The following LCORL variants were observed in gnomAD, a reference collection of about 807,000 sequenced individuals.
LCORL encodes ligand dependent nuclear receptor corepressor like, also known as ligand-dependent nuclear receptor corepressor-like protein.
LCORL carries 41 observed loss-of-function variants against 141.8 expected under a neutral mutation model. The ratio of observed to expected loss-of-function variants is 0.29; its 90% CI spans 0.23 to 0.38. The LOEUF (loss-of-function observed/expected upper bound fraction) is 0.38, where lower values mean the gene tolerates loss of function less well. Among genes scored for constraint, LCORL ranks in the 10% least tolerant of loss-of-function variants. The pLI is 1.00. For missense variants in LCORL, 1,759 were observed against 2,035.0 expected (o/e 0.86, Z 2.61); for synonymous variants, 618 against 694.1 (o/e 0.89, Z 1.72).
At chr4:17,904,380 T>A (rs747360890) in intron 5 of LCORL, among the ~76,000 whole-genome samples, 3 of 152,132 alleles carry the variant, frequency 2.0e-5, no homozygotes, top group Non-Finnish European at 4.4e-5. Flanking sequence ...GACATTTCAC[T>A]TTCTTCAGTG....
intron 7 of LCORL, among the ~76,000 whole-genome samples, chr4:17,871,858 G>A (rs894628901): frequency 3.3e-5 from 5 of 151,616 alleles, no homozygotes; most frequent in Non-Finnish European, 5.9e-5. Context: ...AATCTACTTT[G>A]GCCAACCTTT....
intron 6 of LCORL, chr4:17,883,961 C>T: frequency 1.3e-6 from 2 of 1,550,680 alleles, no homozygotes; most frequent in Non-Finnish European, 1.7e-6. Context: ...ATCATATTGC[C>T]GATAGCGGCC....
chr4:17,971,467 A>G (rs1715926626), intron 2 of LCORL, among the ~76,000 whole-genome samples: 1 of 151,742 alleles, frequency 6.6e-6, no homozygotes, highest in Non-Finnish European at 1.5e-5. Context: ...AAAAAAAAAC[A>G]CTAGAAACAG....
chr4:17,893,738 A>C (rs1729464456), intron 5 of LCORL, among the ~76,000 whole-genome samples: 1 of 152,174 alleles, frequency 6.6e-6, no homozygotes, highest in South Asian at 2.1e-4. Context: ...CTTCAACTAG[A>C]ATCAAATAAT....
At chr4:18,000,943 G>C (rs1721850522) in intron 1 of LCORL, among the ~76,000 whole-genome samples, 1 of 152,198 alleles carries the variant, frequency 6.6e-6, no homozygotes, top group Non-Finnish European at 1.5e-5. Context: ...TAGCAATGGA[G>C]CAGCAGCTAC....
In LCORL at chr4:17,899,352, CA is replaced by C. The variant is rs201212252; in HGVS notation, c.682+9741del. ...CTCTAGCTAAGACAGAAATGATGAA[CA>C]GGGGGCAAGCCAAAAAAAAACAAGA... On this transcript the variant is annotated intron_variant, in intron 5 of 7. Coordinates refer to ENST00000635767, the Ensembl canonical transcript of LCORL. Among the ~76,000 whole-genome samples the C allele has an allele frequency of 6.1e-3, 926 of 151,966 alleles. 18 individuals are homozygous for C. Among genetic ancestry groups the C allele is most frequent in the African/African-American group, 0.021 (879 of 41,440 alleles).
At chr4:17,860,292 C>G (rs886578226) in intron 7 of LCORL, among the ~76,000 whole-genome samples, 6 of 152,196 alleles carry the variant, frequency 3.9e-5, no homozygotes, top group African/African-American at 1.4e-4. Flanking sequence ...AGGAAAGAGG[C>G]TTAATGGAGA....
intron 4 of LCORL, among the ~76,000 whole-genome samples, chr4:17,919,342 C>G (rs180812936): frequency 2.0e-5 from 3 of 152,224 alleles, no homozygotes; most frequent in Admixed American, 1.3e-4. Flanking sequence ...TAATCCCAAT[C>G]CTTAAAAGCT....
intron 6 of LCORL, among the ~76,000 whole-genome samples, chr4:17,879,143 G>GA (rs1237290693): frequency 1.3e-5 from 2 of 150,646 alleles, no homozygotes; most frequent in African/African-American, 4.9e-5. Context: ...GAATAATGCT[G>GA]ATTATGAACT....
intron 1 of LCORL, among the ~76,000 whole-genome samples, chr4:17,990,642 GTTT>G (rs979642708): frequency 7.6e-6 from 1 of 131,352 alleles, no homozygotes; most frequent in Non-Finnish European, 1.6e-5. Flanking sequence ...TCCCATCTTG[GTTT>G]TTTTTTTTTT....
chr4:17,877,025 T>G, exon 7 of LCORL: 1 of 1,230,814 alleles, frequency 8.1e-7, no homozygotes, highest in East Asian at 3.2e-5. Flanking sequence ...CATTGTTTTG[T>G]GTCAATTTCC....
At position 17,894,851 on chromosome 4, in the gene LCORL, A is replaced by G. The variant is rs151256356; in HGVS notation, c.683-8690T>C. On this transcript the variant is annotated intron_variant, in intron 5 of 7. Transcript: ENST00000635767. ...TAATAATTGTTTAGATCCGTGTTCA[A>G]CATTTTTGGTAAGAATACTTCACAG... Among the ~76,000 whole-genome samples the G allele has an allele frequency of 1.9e-4, 29 of 152,212 alleles. 1 individual carries two copies. In the East Asian group the frequency reaches 5.6e-3, roughly 29 times the overall value.
intron 4 of LCORL, among the ~76,000 whole-genome samples, chr4:17,917,778 A>G (rs1049953899): frequency 6.6e-6 from 1 of 152,182 alleles, no homozygotes; most frequent in Non-Finnish European, 1.5e-5. Context: ...TCATTAAACA[A>G]AAGAACTCTG....
intron 4 of LCORL, among the ~76,000 whole-genome samples, chr4:17,936,833 T>C (rs1736948390): frequency 6.6e-6 from 1 of 152,118 alleles, no homozygotes; most frequent in Non-Finnish European, 1.5e-5. Flanking sequence ...GAAAAGATCA[T>C]TTCAGTTTCC....
intron 7 of LCORL, among the ~76,000 whole-genome samples, chr4:17,863,846 A>T (rs1577273166): frequency 6.6e-6 from 1 of 152,222 alleles, no homozygotes; most frequent in African/African-American, 2.4e-5. Context: ...CCTCTGCAGC[A>T]ACATGGATGG....
At chr4:17,931,603 A>G (rs1012339444) in intron 4 of LCORL, among the ~76,000 whole-genome samples, 4 of 152,054 alleles carry the variant, frequency 2.6e-5, no homozygotes, top group African/African-American at 9.6e-5. Context: ...TTAATACTGC[A>G]GGTAAATAAG....
intron 5 of LCORL, among the ~76,000 whole-genome samples, chr4:17,890,560 T>C (rs1431500961): frequency 6.6e-6 from 1 of 152,088 alleles, no homozygotes; most frequent in Non-Finnish European, 1.5e-5. Flanking sequence ...TTTCTGTATA[T>C]TCAAAATTTT....
chr4:17,942,965 T>C (rs1738214371), intron 4 of LCORL, among the ~76,000 whole-genome samples: 2 of 152,146 alleles, frequency 1.3e-5, no homozygotes, highest in Admixed American at 6.5e-5. Context: ...GGAATCTAGG[T>C]TGCATACTCC....
At position 17,884,296 on chromosome 4, in the gene LCORL, C is replaced by T. The variant is rs534965383; in HGVS notation, c.776+1772G>A. On this transcript the variant is annotated intron_variant, in intron 6 of 7. Transcript: ENST00000635767. The surrounding 1 kb of genome is among the most constrained non-coding windows in gnomAD (Gnocchi z 4.4). Reference sequence around the variant, plus strand: ...TTACTCGTAGCTGAGGAATTTTTAACTGTACAGTAGGATTTGAAGTTTCAT... The same window carrying T: ...TTACTCGTAGCTGAGGAATTTTTAATTGTACAGTAGGATTTGAAGTTTCAT... The T allele has an allele frequency of 1.3e-6, 2 of 1,550,498 alleles. No individual in the cohort carries two copies. The highest frequency in any genetic ancestry group is 1.4e-5 in the African/African-American group (1 of 73,020).
Sources: gnomAD v4.1 joint callset for allele counts (sites outside exome capture counted in the v4.1 genomes callset) on GRCh38, gnomAD v4.1.1 for gene constraint, Gnocchi (gnomAD v3.1) non-coding constraint, MANE v1.5 for transcripts, NCBI Gene and HGNC (gene_info 2026-07-23, HGNC 2026-07-21) for gene names.